SAMTOR: variants seen among roughly 807,000 people sequenced by gnomAD.
SAMTOR encodes S-adenosylmethionine sensor upstream of mTORC1.
At chr7:112,838,420 T>A in the SAMTOR span, among the ~76,000 whole-genome samples, 1 of 151,920 alleles carries the variant, frequency 6.6e-6, no homozygotes, top group East Asian at 1.9e-4. Flanking sequence ...TCTCTGCAAA[T>A]TGATTTAAAG....
chr7:112,839,586 T>C, the SAMTOR span, among the ~76,000 whole-genome samples: 1 of 151,836 alleles, frequency 6.6e-6, no homozygotes, highest in Non-Finnish European at 1.5e-5. Flanking sequence ...CTATGTAGCA[T>C]GCTTACCAGA....
At chr7:112,885,158 G>A in the SAMTOR span, among the ~76,000 whole-genome samples, 1 of 68,872 alleles carries the variant, frequency 1.5e-5, no homozygotes. Context: ...TCTCAAGGCT[G>A]CACAGGGCAG....
At chr7:112,932,306 T>A in the SAMTOR span, among the ~76,000 whole-genome samples, 4 of 152,258 alleles carry the variant, frequency 2.6e-5, no homozygotes, top group African/African-American at 9.6e-5. Context: ...CAAATAAAGA[T>A]ACCATAATGA....
chr7:112,916,943 G>T, the SAMTOR span, among the ~76,000 whole-genome samples: 24 of 152,346 alleles, frequency 1.6e-4, no homozygotes, highest in African/African-American at 5.8e-4. Flanking sequence ...CAGCAGGGAA[G>T]CTCGAACTGG....
the SAMTOR span, among the ~76,000 whole-genome samples, chr7:112,859,639 C>T: frequency 1.3e-5 from 2 of 151,862 alleles, no homozygotes; most frequent in African/African-American, 2.4e-5. Context: ...ATTAATGGTC[C>T]CGACCCTGTG....
the SAMTOR span, among the ~76,000 whole-genome samples, chr7:112,848,327 A>T: frequency 2.0e-3 from 300 of 152,336 alleles, 19 homozygotes; most frequent in South Asian, 0.06. Context: ...ATCATTAAAA[A>T]TACTTTACAT....
chr7:112,901,598 A>T, the SAMTOR span, among the ~76,000 whole-genome samples: 2 of 152,260 alleles, frequency 1.3e-5, no homozygotes, highest in Non-Finnish European at 2.9e-5. Context: ...CTTCCACTCC[A>T]GTCAATGGAA....
the SAMTOR span, among the ~76,000 whole-genome samples, chr7:112,912,766 A>G: frequency 6.6e-6 from 1 of 152,062 alleles, no homozygotes; most frequent in Non-Finnish European, 1.5e-5. Context: ...ATTTTTCATC[A>G]GTTTACATAA....
chr7:112,869,556 C>T, the SAMTOR span, among the ~76,000 whole-genome samples: 1 of 151,040 alleles, frequency 6.6e-6, no homozygotes. Flanking sequence ...CGAAATAAAG[C>T]ATAAAAATTA....
the SAMTOR span, among the ~76,000 whole-genome samples, chr7:112,826,320 T>G: frequency 6.6e-6 from 1 of 152,216 alleles, no homozygotes; most frequent in African/African-American, 2.4e-5. Flanking sequence ...GGGAAGGTTT[T>G]AAACTGCCAA....
chr7:112,906,747 T>G, the SAMTOR span, among the ~76,000 whole-genome samples: 1 of 151,938 alleles, frequency 6.6e-6, no homozygotes, highest in Non-Finnish European at 1.5e-5. Flanking sequence ...AATTTTTGTA[T>G]TTTTAGTAGG....
chr7:112,910,033 G>A, the SAMTOR span, among the ~76,000 whole-genome samples: 15 of 151,856 alleles, frequency 9.9e-5, no homozygotes, highest in African/African-American at 2.9e-4. Context: ...AGGTCTCGAC[G>A]AGGGGAAGCA....
chr7:112,863,835 T>C, the SAMTOR span, among the ~76,000 whole-genome samples: 4 of 152,310 alleles, frequency 2.6e-5, no homozygotes, highest in Admixed American at 1.3e-4. Flanking sequence ...AGTTCAACCA[T>C]TGTGGAAGAC....
the SAMTOR span, chr7:112,939,861 A>G: frequency 2.5e-6 from 2 of 815,094 alleles, no homozygotes; most frequent in Non-Finnish European, 3.8e-6. Context: ...GAGGAGGCAG[A>G]GGAACCGGAG....
At chr7:112,870,997 T>C in the SAMTOR span, among the ~76,000 whole-genome samples, 1 of 152,126 alleles carries the variant, frequency 6.6e-6, no homozygotes, top group Non-Finnish European at 1.5e-5. Flanking sequence ...CTAAATAATA[T>C]AGCACCCAAT....
chr7:112,919,638 C>A, the SAMTOR span, among the ~76,000 whole-genome samples: 1 of 151,912 alleles, frequency 6.6e-6, no homozygotes, highest in African/African-American at 2.4e-5. Context: ...AAAAACCCTT[C>A]AAAAAATTAA....
the SAMTOR span, among the ~76,000 whole-genome samples, chr7:112,826,658 G>A: frequency 6.6e-6 from 1 of 150,390 alleles, no homozygotes; most frequent in African/African-American, 2.5e-5. Flanking sequence ...ATTTCCTTTT[G>A]GATTTACTGC....
chr7:112,851,162 A>G, the SAMTOR span, among the ~76,000 whole-genome samples: 1 of 152,056 alleles, frequency 6.6e-6, no homozygotes, highest in Admixed American at 6.5e-5. Flanking sequence ...AAGCAATCTC[A>G]ATCACTATTA....
chr7:112,843,451 A>G, the SAMTOR span, among the ~76,000 whole-genome samples: 1 of 151,988 alleles, frequency 6.6e-6, no homozygotes, highest in Non-Finnish European at 1.5e-5. Context: ...TAATTTCTCT[A>G]AGTAATAAAG....
Sources: gnomAD v4.1 joint callset for allele counts (sites outside exome capture counted in the v4.1 genomes callset) on GRCh38, gnomAD v4.1.1 for gene constraint, MANE v1.5 for transcripts, NCBI Gene and HGNC (gene_info 2026-07-23, HGNC 2026-07-21) for gene names.